The following ZC3H12B variants were observed in gnomAD, a reference collection of about 807,000 sequenced individuals.
The protein encoded by ZC3H12B is probable ribonuclease ZC3H12B.
A neutral mutation model predicts 43.9 loss-of-function variants in ZC3H12B; 7 were observed. The observed-to-expected ratio is 0.16, with a 90% CI of 0.09 to 0.30. The LOEUF is 0.30. Among genes scored for constraint, ZC3H12B ranks in the 10% least tolerant of loss-of-function variants. The pLI is 1.00. For synonymous variants in ZC3H12B, 222 were observed against 241.7 expected, an observed-to-expected ratio of 0.92 and a Z score of 0.76; for missense variants, 475 against 670.2, an observed-to-expected ratio of 0.71 and a Z score of 3.22.
chrX:65,461,004 A>C (rs1378835077), intron 3 of ZC3H12B, among the ~76,000 whole-genome samples: 5 of 112,252 alleles, frequency 4.5e-5, no homozygotes, highest in Non-Finnish European at 9.4e-5. Flanking sequence ...AACTCCAACA[A>C]ATTTACAAGA....
the ZC3H12B span, among the ~76,000 whole-genome samples, chrX:65,088,428 A>G: frequency 1.4e-3 from 156 of 111,225 alleles, 1 homozygote; most frequent in African/African-American, 5.0e-3. Context: ...ATGCCCTTAC[A>G]TTCACTTGCC....
chrX:65,126,879 A>G, the ZC3H12B span, among the ~76,000 whole-genome samples: 2 of 108,049 alleles, frequency 1.9e-5, no homozygotes, highest in Admixed American at 1.0e-4. Context: ...TATGATATCT[A>G]TTTCACTGAA....
At chrX:65,223,417 A>T in the ZC3H12B span, among the ~76,000 whole-genome samples, 3 of 112,701 alleles carry the variant, frequency 2.7e-5, no homozygotes, top group Non-Finnish European at 3.7e-5. Context: ...GGCTTAGGCA[A>T]AGACTTCATG....
At chrX:65,458,083 A>T (rs867182589) in intron 3 of ZC3H12B, among the ~76,000 whole-genome samples, 2 of 78,424 alleles carry the variant, frequency 2.6e-5, no homozygotes, top group African/African-American at 7.3e-5. Context: ...AAAAAAAAAA[A>T]TTAAAAAAAA....
At chrX:65,204,542 A>C in the ZC3H12B span, among the ~76,000 whole-genome samples, 1 of 112,114 alleles carries the variant, frequency 8.9e-6, no homozygotes, top group Non-Finnish European at 1.9e-5. Context: ...TTAGCTTAAA[A>C]TACCTACAAA....
chrX:65,416,086 T>A (rs1471944680), intron 3 of ZC3H12B, among the ~76,000 whole-genome samples: 1 of 111,953 alleles, frequency 8.9e-6, no homozygotes, highest in Non-Finnish European at 1.9e-5. Flanking sequence ...TTCTTCATGA[T>A]GATTGGGGTT....
chrX:65,452,551 C>G (rs1459630553), intron 3 of ZC3H12B, among the ~76,000 whole-genome samples: 1 of 111,107 alleles, frequency 9.0e-6, no homozygotes, highest in Non-Finnish European at 1.9e-5. Flanking sequence ...CAAATGAAAA[C>G]ACATACTGGC....
chrX:65,192,485 C>T, the ZC3H12B span, among the ~76,000 whole-genome samples: 1 of 111,078 alleles, frequency 9.0e-6, no homozygotes, highest in East Asian at 2.8e-4. Context: ...AGCTGTGGGT[C>T]AGTGGTATAT....
chrX:65,118,504 G>T, the ZC3H12B span, among the ~76,000 whole-genome samples: 2 of 111,217 alleles, frequency 1.8e-5, no homozygotes, highest in Admixed American at 9.6e-5. Flanking sequence ...AATGTCATCT[G>T]CAAACAGGGA....
the ZC3H12B span, among the ~76,000 whole-genome samples, chrX:65,278,003 A>T: frequency 1.2e-3 from 134 of 111,714 alleles, 1 homozygote; most frequent in Middle Eastern, 4.6e-3. Flanking sequence ...AGACCTAAAT[A>T]AAATCACAAG....
chrX:65,036,887 G>A, the ZC3H12B span, among the ~76,000 whole-genome samples: 1 of 110,247 alleles, frequency 9.1e-6, no homozygotes, highest in Non-Finnish European at 1.9e-5. Flanking sequence ...ATACTCTTAA[G>A]AGCATTTACC....
At chrX:65,071,008 T>A in the ZC3H12B span, among the ~76,000 whole-genome samples, 1 of 107,588 alleles carries the variant, frequency 9.3e-6, no homozygotes, top group Non-Finnish European at 1.9e-5. Flanking sequence ...TTTTTTGTTA[T>A]TTTTTTTAAC....
At chrX:65,053,525 A>G in the ZC3H12B span, among the ~76,000 whole-genome samples, 14 of 111,599 alleles carry the variant, frequency 1.3e-4, no homozygotes, top group East Asian at 2.8e-3. Flanking sequence ...CATTTGGGTT[A>G]GTTCCAAGTC....
At chrX:65,141,515 T>C in the ZC3H12B span, among the ~76,000 whole-genome samples, 2 of 109,309 alleles carry the variant, frequency 1.8e-5, no homozygotes, top group Non-Finnish European at 3.8e-5. Flanking sequence ...TTATTATTAT[T>C]ATTAATTTAA....
chrX:65,305,309 C>A, the ZC3H12B span, among the ~76,000 whole-genome samples: 6 of 111,281 alleles, frequency 5.4e-5, no homozygotes, highest in African/African-American at 2.0e-4. Flanking sequence ...ACTCCACAAT[C>A]CTTTCCCAAT....
At chrX:65,229,829 A>T in the ZC3H12B span, among the ~76,000 whole-genome samples, 11 of 109,013 alleles carry the variant, frequency 1.0e-4, no homozygotes, top group Non-Finnish European at 1.7e-4. Context: ...TCAAAACCAC[A>T]ATGAGATACC....
At chrX:65,260,376 G>A in the ZC3H12B span, among the ~76,000 whole-genome samples, 1 of 110,783 alleles carries the variant, frequency 9.0e-6, no homozygotes, top group East Asian at 2.8e-4. Flanking sequence ...AAATTAGAAT[G>A]GGGTTGTATT....
the ZC3H12B span, among the ~76,000 whole-genome samples, chrX:65,119,241 G>A: frequency 1.8e-5 from 2 of 111,515 alleles, no homozygotes; most frequent in Non-Finnish European, 3.8e-5. Context: ...TTCCACAAGA[G>A]TTGAACTAGT....
chrX:65,277,805 A>G, the ZC3H12B span, among the ~76,000 whole-genome samples: 1 of 111,695 alleles, frequency 9.0e-6, no homozygotes, highest in African/African-American at 3.2e-5. Context: ...CTTCCAGTAA[A>G]TAGAAAAACA....
Sources: gnomAD v4.1 joint callset for allele counts (sites outside exome capture counted in the v4.1 genomes callset) on GRCh38, gnomAD v4.1.1 for gene constraint, MANE v1.5 for transcripts, NCBI Gene and HGNC (gene_info 2026-07-23, HGNC 2026-07-21) for gene names.